SV2C: variants seen among roughly 807,000 people sequenced by gnomAD.
SV2C encodes the protein synaptic vesicle glycoprotein 2C, also known as solute carrier family 22 member B3.
SV2C carries 49 observed loss-of-function variants against 79.7 expected under a neutral mutation model. The observed-to-expected ratio is 0.61, with a 90% CI of 0.49 to 0.78. The LOEUF (loss-of-function observed/expected upper bound fraction) is 0.78. Ranked by LOEUF, SV2C falls within the 30% of genes least tolerant of loss-of-function variation. The probability of loss-of-function intolerance (pLI) is 0.00; values close to 1 mark genes in which losing one functional copy is unlikely to be tolerated. For missense variants in SV2C, 833 were observed against 912.9 expected (o/e 0.91, Z 1.13); for synonymous variants, 334 against 333.2 (o/e 1.00, Z -0.03).
chr5:76,060,503 G>GA, the SV2C span, among the ~76,000 whole-genome samples: 1 of 152,056 alleles, frequency 6.6e-6, no homozygotes, highest in Non-Finnish European at 1.5e-5. Flanking sequence ...TAAGCCTCTT[G>GA]AACCAACAAC....
chr5:76,220,391 G>A (rs2221272), intron 4 of SV2C, among the ~76,000 whole-genome samples: 75,647 of 151,836 alleles, frequency 0.5, 19,670 homozygotes, highest in Admixed American at 0.6. Context: ...AGAATTGACA[G>A]CCGGGTGCAG....
At chr5:76,098,771 G>C (rs1242704133) in intron 1 of SV2C, among the ~76,000 whole-genome samples, 3 of 152,200 alleles carry the variant, frequency 2.0e-5, no homozygotes. Context: ...GAGGAGAAAA[G>C]CCAGTGATTA....
rs376846881 is a variant in SV2C, at chr5:76,346,085, T to C, written c.2001-7045T>C. On this transcript the variant is annotated intron_variant, in intron 12 of 12. Coordinates refer to the SV2C transcript ENST00000322285. ...CGTTTGCAGATTTCCTTGGTGTAAT[T>C]ACTTCCACCATGGTTAATTTCAAGC... 4.2e-4 allele frequency among the ~76,000 whole-genome samples: 64 copies of C among 152,300 alleles called. No homozygotes were observed. In the East Asian group the frequency reaches 0.012, roughly 29 times the overall value.
the SV2C span, among the ~76,000 whole-genome samples, chr5:75,860,076 C>G: frequency 6.6e-6 from 1 of 152,060 alleles, no homozygotes; most frequent in Non-Finnish European, 1.5e-5. Flanking sequence ...ACTCGGGGTA[C>G]CCACCAGGTG....
chr5:76,212,399 C>T (rs1402731800), intron 4 of SV2C, among the ~76,000 whole-genome samples: 1 of 152,170 alleles, frequency 6.6e-6, no homozygotes, highest in Non-Finnish European at 1.5e-5. Context: ...GCCAACTACT[C>T]ACAGAGGGCT....
At chr5:76,086,641 T>C (rs199563337) in intron 1 of SV2C, among the ~76,000 whole-genome samples, 2 of 118,708 alleles carry the variant, frequency 1.7e-5, no homozygotes, top group South Asian at 5.8e-4. Context: ...GCCCCTGGCA[T>C]ATATAGTTTT....
At chr5:76,216,597 G>A (rs1414044472) in intron 4 of SV2C, among the ~76,000 whole-genome samples, 2 of 152,192 alleles carry the variant, frequency 1.3e-5, no homozygotes. Context: ...AGGAGTTCGA[G>A]AAAATTTGGC....
intron 12 of SV2C, among the ~76,000 whole-genome samples, chr5:76,321,616 C>T (rs1450525734): frequency 6.6e-6 from 1 of 151,898 alleles, no homozygotes; most frequent in Non-Finnish European, 1.5e-5. Context: ...TGGTGCACGC[C>T]TGTAGTCCCA....
At chr5:76,260,818 C>G (rs1252475616) in intron 4 of SV2C, among the ~76,000 whole-genome samples, 1 of 151,036 alleles carries the variant, frequency 6.6e-6, no homozygotes, top group Non-Finnish European at 1.5e-5. Context: ...GTTTTGGTAC[C>G]AGTACCATGC....
At chr5:75,931,181 T>C in the SV2C span, among the ~76,000 whole-genome samples, 9 of 152,298 alleles carry the variant, frequency 5.9e-5, no homozygotes, top group African/African-American at 1.9e-4. Context: ...TCCTGTCTTA[T>C]GAGATAGAAT....
the SV2C span, among the ~76,000 whole-genome samples, chr5:76,065,961 G>A: frequency 6.6e-6 from 1 of 152,088 alleles, no homozygotes; most frequent in Non-Finnish European, 1.5e-5. Flanking sequence ...GGCATGTGTT[G>A]CAATTTTTTT....
the SV2C span, among the ~76,000 whole-genome samples, chr5:75,977,474 G>T: frequency 6.6e-6 from 1 of 152,168 alleles, no homozygotes; most frequent in Non-Finnish European, 1.5e-5. Flanking sequence ...CCTATTTTAT[G>T]GATGAGATGT....
At chr5:76,030,266 G>GGTTTTT in the SV2C span, among the ~76,000 whole-genome samples, 33 of 31,960 alleles carry the variant, frequency 1.0e-3, no homozygotes, top group South Asian at 4.5e-3. Flanking sequence ...TCAGAGGCTT[G>GGTTTTT]TTTTTTTTTT....
downstream of SV2C, among the ~76,000 whole-genome samples, chr5:76,336,560 G>T (rs188895550): frequency 1.3e-5 from 2 of 152,136 alleles, no homozygotes; most frequent in Admixed American, 6.5e-5. Flanking sequence ...GGTGGAGGCC[G>T]CAGTGAGCCG....
the SV2C span, among the ~76,000 whole-genome samples, chr5:75,900,601 A>T: frequency 2.6e-5 from 4 of 152,068 alleles, no homozygotes; most frequent in African/African-American, 9.7e-5. Context: ...CTGAATCTGA[A>T]TGTTGGCCTG....
intron 1 of SV2C, among the ~76,000 whole-genome samples, chr5:76,104,662 C>G (rs550332602): frequency 2.6e-5 from 4 of 152,302 alleles, no homozygotes; most frequent in African/African-American, 9.6e-5. Flanking sequence ...AGCTCCTAAC[C>G]TACCTTTCTA....
chr5:76,344,340 A>C (rs1284292456), intron 12 of SV2C, among the ~76,000 whole-genome samples: 1 of 152,246 alleles, frequency 6.6e-6, no homozygotes, highest in Non-Finnish European at 1.5e-5. Context: ...TCCTTATAAT[A>C]TAATGGTTAC....
the SV2C span, among the ~76,000 whole-genome samples, chr5:75,988,838 A>G: frequency 1.2e-4 from 19 of 152,074 alleles, 1 homozygote; most frequent in East Asian, 2.9e-3. Context: ...TACAGACAGG[A>G]TAGAAATTCT....
chr5:76,170,468 C>T (rs1210408413), intron 2 of SV2C, among the ~76,000 whole-genome samples: 1 of 119,898 alleles, frequency 8.3e-6, no homozygotes, highest in Admixed American at 9.3e-5. Flanking sequence ...AAGGGATTCA[C>T]AGTGAGAATC....
Sources: gnomAD v4.1 joint callset for allele counts (sites outside exome capture counted in the v4.1 genomes callset) on GRCh38, gnomAD v4.1.1 for gene constraint, MANE v1.5 for transcripts, NCBI Gene and HGNC (gene_info 2026-07-23, HGNC 2026-07-21) for gene names.